CCDC171: variants seen among roughly 807,000 people sequenced by gnomAD.
CCDC171 encodes the protein coiled-coil domain containing 171, also known as coiled-coil domain-containing protein 171.
Under a neutral mutation model 168.2 loss-of-function variants are expected in CCDC171, and 177 were observed. The ratio of observed to expected loss-of-function variants is 1.05; its 90% CI spans 0.93 to 1.19. CCDC171 has a LOEUF of 1.19. Among genes scored for constraint, CCDC171 ranks in the 50% most tolerant of loss-of-function variants. The pLI is 0.00. For missense variants in CCDC171, 1,991 were observed against 1,539.0 expected (o/e 1.29, Z -4.91); for synonymous variants, 687 against 540.8 (o/e 1.27, Z -3.75).
chr9:16,013,126 T>C (rs1302075980), intron 3 of CCDC171, among the ~76,000 whole-genome samples: 2 of 152,198 alleles, frequency 1.3e-5, no homozygotes, highest in African/African-American at 4.8e-5. Flanking sequence ...ACTTCCTACA[T>C]CTGATAGCTA....
intron 6 of CCDC171, among the ~76,000 whole-genome samples, chr9:15,602,103 C>G (rs2055772): frequency 6.6e-6 from 1 of 151,998 alleles, no homozygotes; most frequent in Non-Finnish European, 1.5e-5. Flanking sequence ...GTAAATTTTA[C>G]TGTAATTTGT....
At chr9:15,774,250 A>T (rs1231009052) in intron 18 of CCDC171, among the ~76,000 whole-genome samples, 2 of 5,300 alleles carry the variant, frequency 3.8e-4, no homozygotes, top group Non-Finnish European at 1.3e-3. Context: ...TGTCTTTAAA[A>T]AAAAAAAAAA....
chr9:15,896,070 T>A (rs1247340444), intron 24 of CCDC171, among the ~76,000 whole-genome samples: 2 of 152,230 alleles, frequency 1.3e-5, no homozygotes, highest in Non-Finnish European at 2.9e-5. Flanking sequence ...CCATGTTGGT[T>A]TTTTTCTATG....
At chr9:15,776,566 T>C (rs2057339673) in intron 18 of CCDC171, among the ~76,000 whole-genome samples, 1 of 152,212 alleles carries the variant, frequency 6.6e-6, no homozygotes, top group African/African-American at 2.4e-5. Context: ...GGCTGCTACA[T>C]AGATTTTAAA....
At chr9:15,680,059 T>C (rs138406843) in intron 10 of CCDC171, among the ~76,000 whole-genome samples, 206 of 152,276 alleles carry the variant, frequency 1.4e-3, no homozygotes, top group Non-Finnish European at 2.4e-3. Flanking sequence ...TCCTCAACAG[T>C]ATTTCTTTAG....
intron 21 of CCDC171, among the ~76,000 whole-genome samples, chr9:15,841,337 A>G (rs975558163): frequency 1.3e-5 from 2 of 152,116 alleles, no homozygotes; most frequent in Admixed American, 1.3e-4. Context: ...GTGGAGATTT[A>G]AAGAACAGTC....
In CCDC171 at chr9:15,866,475, G is replaced by T. The variant is rs144775584; in HGVS notation, c.3469-8057G>T. On this transcript the variant is annotated intron_variant, in intron 23 of 25. Transcript: ENST00000380701. ...TGATGAGAAAGAGGCAGGGGAGGAT[G>T]ATTCCCCTGATGGGGCAAAGGACGC... Among the ~76,000 whole-genome samples, 6 of 152,080 alleles carry T rather than the reference G, an allele frequency of 3.9e-5. No homozygotes were observed. The East Asian group carries it at 1.2e-3, about 30-fold the overall frequency.
the CCDC171 span, among the ~76,000 whole-genome samples, chr9:16,098,904 A>G: frequency 2.0e-5 from 3 of 152,332 alleles, no homozygotes; most frequent in South Asian, 6.2e-4. Flanking sequence ...TCCTAGAAAA[A>G]TTGAGACTGC....
intron 5 of CCDC171, 42 bp downstream of exon 5, chr9:15,591,598 T>G (rs1163089083): frequency 9.1e-7 from 1 of 1,093,906 alleles, no homozygotes; most frequent in African/African-American, 1.6e-5. Flanking sequence ...TATGTAATAT[T>G]CACCGAGATG....
chr9:15,813,371 T>C (rs1284133718), intron 21 of CCDC171, among the ~76,000 whole-genome samples: 1 of 152,212 alleles, frequency 6.6e-6, no homozygotes, highest in Non-Finnish European at 1.5e-5. Context: ...AGGTGACAAC[T>C]AAACACCAGT....
chr9:15,694,118 T>G (rs2051031123), intron 10 of CCDC171, among the ~76,000 whole-genome samples: 1 of 152,216 alleles, frequency 6.6e-6, no homozygotes, highest in South Asian at 2.1e-4. Context: ...CCACATCTTG[T>G]ATCCCCTTCT....
At position 15,815,352 on chromosome 9, in the gene CCDC171, A is replaced by G. The variant is rs115022008; in HGVS notation, c.3267+30658A>G. On this transcript the variant is annotated intron_variant, in intron 21 of 25. Coordinates refer to ENST00000380701, the MANE Select transcript of CCDC171 (RefSeq NM_173550.4). Reference sequence around the variant, plus strand: ...CTCAAAAGTTAATTACATTTAGACCATGCATGGGGAAGAAGAATTACTTCT... The same window carrying G: ...CTCAAAAGTTAATTACATTTAGACCGTGCATGGGGAAGAAGAATTACTTCT... Among the ~76,000 whole-genome samples, 252 of 120,356 alleles carry G rather than the reference A, an allele frequency of 2.1e-3. 74 individuals are homozygous for G. Among genetic ancestry groups the G allele is most frequent in the African/African-American group, 7.1e-3 (231 of 32,518 alleles). 79.0% of individuals were successfully genotyped at this position (120,356 alleles called of 152,430 possible).
intron 25 of CCDC171, chr9:15,922,174 T>C (rs1277699240): frequency 1.5e-5 from 6 of 409,568 alleles, no homozygotes; most frequent in Non-Finnish European, 3.0e-5. Flanking sequence ...ATCTATAGAA[T>C]GCGAAACATT....
chr9:15,616,802 G>GA (rs913420001), intron 6 of CCDC171, among the ~76,000 whole-genome samples: 2 of 152,002 alleles, frequency 1.3e-5, no homozygotes, highest in African/African-American at 4.8e-5. Flanking sequence ...GTACTCTTAT[G>GA]AAAAAATGAG....
At chr9:15,868,367 A>T (rs180762479) in intron 23 of CCDC171, among the ~76,000 whole-genome samples, 5 of 152,110 alleles carry the variant, frequency 3.3e-5, no homozygotes, top group Admixed American at 2.6e-4. Context: ...ACTGTTGCTT[A>T]TATCCTGGGA....
At chr9:16,072,276 A>C in the CCDC171 span, among the ~76,000 whole-genome samples, 2 of 152,214 alleles carry the variant, frequency 1.3e-5, no homozygotes, top group Non-Finnish European at 2.9e-5. Flanking sequence ...TGTTGAGATC[A>C]GTGTAACCTT....
chr9:15,599,810 C>G (rs2042687438), intron 6 of CCDC171, among the ~76,000 whole-genome samples: 1 of 152,168 alleles, frequency 6.6e-6, no homozygotes, highest in Non-Finnish European at 1.5e-5. Flanking sequence ...TTGGTCTTTT[C>G]ACATAGCCCC....
intron 24 of CCDC171, among the ~76,000 whole-genome samples, chr9:15,897,400 T>G (rs985515147): frequency 1.3e-5 from 2 of 152,066 alleles, no homozygotes; most frequent in African/African-American, 4.8e-5. Flanking sequence ...GTTTTTAGCA[T>G]CAAAAGATGT....
At chr9:15,716,686 C>A (rs2053112741) in intron 11 of CCDC171, among the ~76,000 whole-genome samples, 1 of 152,140 alleles carries the variant, frequency 6.6e-6, no homozygotes, top group Non-Finnish European at 1.5e-5. Flanking sequence ...GCTACATCAT[C>A]TCATGGTAGA....
Sources: gnomAD v4.1 joint callset for allele counts (sites outside exome capture counted in the v4.1 genomes callset) on GRCh38, gnomAD v4.1.1 for gene constraint, MANE v1.5 for transcripts, NCBI Gene and HGNC (gene_info 2026-07-23, HGNC 2026-07-21) for gene names.